The following MEF2A variants were observed in gnomAD, a reference collection of about 807,000 sequenced individuals.
The protein encoded by MEF2A is myocyte-specific enhancer factor 2A.
Under a neutral mutation model 55.8 loss-of-function variants are expected in MEF2A, and 28 were observed. That is an observed-to-expected ratio of 0.50 (90% CI 0.37 to 0.69). The LOEUF (loss-of-function observed/expected upper bound fraction) is 0.69, where lower values mean the gene tolerates loss of function less well. MEF2A is among the 30% of genes least tolerant of loss of function. MEF2A has a pLI of 0.00. For synonymous variants in MEF2A, 239 were observed against 227.1 expected, an observed-to-expected ratio of 1.05 and a Z score of -0.47; for missense variants, 528 against 626.2, an observed-to-expected ratio of 0.84 and a Z score of 1.67.
intron 2 of MEF2A, among the ~76,000 whole-genome samples, chr15:99,604,722 G>A (rs1175068921): frequency 2.1e-5 from 3 of 142,002 alleles, no homozygotes; most frequent in Admixed American, 7.0e-5. Flanking sequence ...TTTTTTTTTT[G>A]GTATCTTCTA....
intron 2 of MEF2A, among the ~76,000 whole-genome samples, chr15:99,626,411 A>C (rs2042058556): frequency 6.6e-6 from 1 of 152,048 alleles, no homozygotes; most frequent in Non-Finnish European, 1.5e-5. Context: ...GTTTTGAAGA[A>C]TCAACTTTTG....
rs553570112 is a variant in MEF2A, at chr15:99,617,251, A to G, written c.-142-15727A>G. 4.0e-4 allele frequency among the ~76,000 whole-genome samples: 50 copies of G among 124,484 alleles called. No homozygotes were observed. In the South Asian group the frequency reaches 0.015, roughly 36 times the overall value. The allele number at this position is 124,484 out of a possible 152,430, so 81.7% of individuals were successfully genotyped here. On this transcript the variant is annotated intron_variant, in intron 2 of 11. Transcript: ENST00000557942. ...TGAGAAGTTTCATTTTTAAGGCCAT[A>G]TATGTGTTTGGTTTTTTTTTTTTTG...
chr15:99,654,445 A>C (rs2047351611), intron 4 of MEF2A, among the ~76,000 whole-genome samples: 1 of 152,090 alleles, frequency 6.6e-6, no homozygotes, highest in South Asian at 2.1e-4. Context: ...CATTTTGAGA[A>C]CTATAGGTTG....
At chr15:99,629,177 G>A (rs975410549) in intron 2 of MEF2A, among the ~76,000 whole-genome samples, 1 of 152,158 alleles carries the variant, frequency 6.6e-6, no homozygotes, top group Non-Finnish European at 1.5e-5. Context: ...GCTCATGCCT[G>A]TAATCCCAAC....
chr15:99,632,184 A>T (rs1378425483), intron 2 of MEF2A, among the ~76,000 whole-genome samples: 1 of 151,686 alleles, frequency 6.6e-6, no homozygotes. Context: ...GCAGACTTAA[A>T]ATTTATACAC....
chr15:99,585,997 A>AT (rs1175185089), intron 1 of MEF2A, among the ~76,000 whole-genome samples: 1 of 151,748 alleles, frequency 6.6e-6, no homozygotes, highest in Non-Finnish European at 1.5e-5. Flanking sequence ...TGTTTTCGTG[A>AT]TTCATCTGTG....
At chr15:99,663,344 G>C (rs920049080) in intron 4 of MEF2A, among the ~76,000 whole-genome samples, 3 of 151,604 alleles carry the variant, frequency 2.0e-5, no homozygotes, top group Admixed American at 2.0e-4. Flanking sequence ...ATTTGTGCAC[G>C]TATATATATG....
At chr15:99,581,446 A>C (rs1279250022) in intron 1 of MEF2A, among the ~76,000 whole-genome samples, 9 of 151,220 alleles carry the variant, frequency 6.0e-5, no homozygotes, top group Non-Finnish European at 1.3e-4. Flanking sequence ...CACAAGTCTT[A>C]ATGACTTCTC....
Position 99,706,861 on chromosome 15 carries a change from C to A in MEF2A, c.1009+6C>A. 1 of 1,613,418 alleles carries A rather than the reference C, an allele frequency of 6.2e-7. No homozygotes were observed. The highest frequency in any genetic ancestry group is 1.1e-5 in the South Asian group (1 of 90,990). On this transcript the variant is annotated splice_donor_region_variant and intron_variant, in intron 10 of 11. Transcript: ENST00000557942. ...GCCGACTGCCTACAACACTGGTGAG[C>A]CTGCTCTGGTGCCTTCCGTAGGTTT...
chr15:99,706,896 CTGTTT>C, intron 10 of MEF2A, 41 bp downstream of exon 10: 1 of 1,590,172 alleles, frequency 6.3e-7, no homozygotes. Context: ...TTACCGCTCT[CTGTTT>C]TGTGATCAAC....
chr15:99,666,607 T>TAAC (rs962139331), intron 4 of MEF2A, among the ~76,000 whole-genome samples: 8 of 148,600 alleles, frequency 5.4e-5, no homozygotes, highest in African/African-American at 2.0e-4. Context: ...ATAATAATAA[T>TAAC]AATAAAAAGA....
chr15:99,650,501 T>C (rs1478910807), intron 4 of MEF2A, among the ~76,000 whole-genome samples: 1 of 152,218 alleles, frequency 6.6e-6, no homozygotes, highest in African/African-American at 2.4e-5. Context: ...ATTATCTTAT[T>C]GAATCCTTAC....
chr15:99,591,415 T>C (rs1322826063), intron 1 of MEF2A, among the ~76,000 whole-genome samples: 17 of 152,198 alleles, frequency 1.1e-4, no homozygotes. Context: ...TTATCTTTGT[T>C]CCTCTGTGTG....
chr15:99,661,053 C>T (rs554194259), intron 4 of MEF2A, among the ~76,000 whole-genome samples: 114 of 152,118 alleles, frequency 7.5e-4, no homozygotes, highest in African/African-American at 2.7e-3. Flanking sequence ...AAATGCCAAA[C>T]GTACCAATGG....
chr15:99,656,135 C>A (rs1017687359), intron 4 of MEF2A, among the ~76,000 whole-genome samples: 1 of 151,954 alleles, frequency 6.6e-6, no homozygotes, highest in Non-Finnish European at 1.5e-5. Flanking sequence ...TCAAATATTA[C>A]AAAATCTAGT....
intron 2 of MEF2A, among the ~76,000 whole-genome samples, chr15:99,624,178 G>C (rs1343331585): frequency 6.6e-6 from 1 of 152,156 alleles, no homozygotes; most frequent in East Asian, 1.9e-4. Flanking sequence ...ATGCACAGAA[G>C]TTTTTAATTT....
At chr15:99,691,349 TAATC>T (rs2055417788) in intron 8 of MEF2A, among the ~76,000 whole-genome samples, 1 of 152,208 alleles carries the variant, frequency 6.6e-6, no homozygotes, top group Non-Finnish European at 1.5e-5. Context: ...ATACTTTCAT[TAATC>T]AATTAAACAT....
At chr15:99,571,613 T>A (rs1298334043) in intron 1 of MEF2A, among the ~76,000 whole-genome samples, 1 of 152,212 alleles carries the variant, frequency 6.6e-6, no homozygotes, top group Non-Finnish European at 1.5e-5. Flanking sequence ...GACTACTACT[T>A]TTATTTTCCC....
At chr15:99,583,460 A>T (rs1596282203) in intron 1 of MEF2A, among the ~76,000 whole-genome samples, 1 of 152,094 alleles carries the variant, frequency 6.6e-6, no homozygotes, top group South Asian at 2.1e-4. Flanking sequence ...AGTACAAAAG[A>T]TTACATTTTA....
Sources: allele counts gnomAD v4.1 joint callset (sites outside exome capture counted in the v4.1 genomes callset), GRCh38; gene constraint gnomAD v4.1.1; transcripts MANE v1.5; gene names NCBI Gene and HGNC (gene_info 2026-07-23, HGNC 2026-07-21).